Variants in SLCO1B3 observed in about 807,000 individuals in gnomAD.
The protein encoded by SLCO1B3 is liver-specific organic anion transporter 2.
SLCO1B3 carries 72 observed loss-of-function variants against 71.8 expected under a neutral mutation model. The observed-to-expected ratio is 1.00, with a 90% CI of 0.83 to 1.22. The LOEUF (loss-of-function observed/expected upper bound fraction) is 1.22, where lower values mean the gene tolerates loss of function less well. Ranked by LOEUF, SLCO1B3 falls within the 50% of genes most tolerant of loss-of-function variation. The pLI, the probability that SLCO1B3 is intolerant of heterozygous loss-of-function variation, is 0.00. For missense variants in SLCO1B3, 911 were observed against 819.7 expected (o/e 1.11, Z -1.36); for synonymous variants, 298 against 278.4 (o/e 1.07, Z -0.70).
intron 3 of SLCO1B3, among the ~76,000 whole-genome samples, chr12:20,819,681 G>A (rs748049576): frequency 6.6e-6 from 1 of 152,114 alleles, no homozygotes; most frequent in Non-Finnish European, 1.5e-5. Context: ...GAGTTTATAG[G>A]CTTTAAAAGG....
chr12:20,814,766 C>G (rs998324681), intron 2 of SLCO1B3, among the ~76,000 whole-genome samples: 1 of 151,770 alleles, frequency 6.6e-6, no homozygotes, highest in Non-Finnish European at 1.5e-5. Flanking sequence ...TGGCACGCAC[C>G]TGCGCCTGTG....
At chr12:20,880,750 C>G (rs570148444) in intron 11 of SLCO1B3, 105 bp from the exon 12 acceptor site, 7 of 623,444 alleles carry the variant, frequency 1.1e-5, no homozygotes, top group Non-Finnish European at 1.8e-5. Context: ...CTCTTCTCTT[C>G]CTCCTCCTCT....
At chr12:20,898,861 C>T (rs1218180391) in intron 14 of SLCO1B3, among the ~76,000 whole-genome samples, 1 of 152,142 alleles carries the variant, frequency 6.6e-6, no homozygotes, top group East Asian at 1.9e-4. Context: ...CAAATGGAGA[C>T]ATTACTTAGG....
At chr12:20,812,589 G>C (rs955791104) in intron 1 of SLCO1B3, among the ~76,000 whole-genome samples, 3 of 152,164 alleles carry the variant, frequency 2.0e-5, no homozygotes, top group Non-Finnish European at 2.9e-5. Flanking sequence ...TGGGAAATGG[G>C]ACTAAAAACT....
intron 13 of SLCO1B3, among the ~76,000 whole-genome samples, chr12:20,894,405 A>G (rs560192974): frequency 1.6e-3 from 243 of 152,232 alleles, no homozygotes; most frequent in Non-Finnish European, 3.1e-3. Flanking sequence ...GTTATTGTAT[A>G]TGAATATTAC....
intron 8 of SLCO1B3, among the ~76,000 whole-genome samples, chr12:20,870,433 C>CT (rs1865455157): frequency 6.6e-6 from 1 of 152,128 alleles, no homozygotes; most frequent in Admixed American, 6.6e-5. Flanking sequence ...AATTCTTTCT[C>CT]TAAGTTTTAT....
intron 3 of SLCO1B3, among the ~76,000 whole-genome samples, chr12:20,851,871 T>C (rs967069794): frequency 1.3e-5 from 2 of 151,140 alleles, no homozygotes; most frequent in African/African-American, 2.4e-5. Flanking sequence ...TTCCTTTGTA[T>C]GTGGATACCC....
At chr12:20,857,595 A>G (rs975968356) in intron 4 of SLCO1B3, among the ~76,000 whole-genome samples, 7 of 151,964 alleles carry the variant, frequency 4.6e-5, no homozygotes, top group Non-Finnish European at 4.4e-5. Flanking sequence ...TTCTGATTCT[A>G]TGGCTGCAAC....
chr12:20,853,028 G>A (rs1465971838), intron 3 of SLCO1B3, among the ~76,000 whole-genome samples: 1 of 152,006 alleles, frequency 6.6e-6, no homozygotes, highest in African/African-American at 2.4e-5. Flanking sequence ...TGATCATGTG[G>A]TTTTGTCCTT....
Position 20,812,676 on chromosome 12 carries a change from G to T in SLCO1B3, c.-180-848G>T, listed in dbSNP as rs115237659. ...TTTGTTGTAAGAGGGATCTTTGAAT[G>T]ATTCCAAGAATGGACATGATATGCA... is the stretch of plus-strand genomic sequence containing the variant. On this transcript the variant is annotated intron_variant, in intron 1 of 15. Coordinates refer to ENST00000381545, the MANE Select transcript of SLCO1B3 (RefSeq NM_019844.4). Among the ~76,000 whole-genome samples the T allele has an allele frequency of 2.7e-3, 415 of 152,302 alleles. 1 individual carries two copies. The highest frequency in any genetic ancestry group is 9.6e-3 in the African/African-American group (398 of 41,574).
intron 3 of SLCO1B3, among the ~76,000 whole-genome samples, chr12:20,832,830 T>C (rs775355366): frequency 1.1e-4 from 16 of 152,190 alleles, no homozygotes; most frequent in Non-Finnish European, 2.1e-4. Flanking sequence ...TATCCATAAC[T>C]CTTTAACCAG....
chr12:20,877,126 C>T (rs1865597165), intron 9 of SLCO1B3, among the ~76,000 whole-genome samples: 1 of 152,096 alleles, frequency 6.6e-6, no homozygotes, highest in Non-Finnish European at 1.5e-5. Flanking sequence ...CCACCATGCC[C>T]AGCCAATTAA....
chr12:20,866,710 C>G lies in SLCO1B3; in HGVS notation c.727+3856C>G, dbSNP rs77551319. Among the ~76,000 whole-genome samples, 840 of 136,716 alleles carry G rather than the reference C, an allele frequency of 6.1e-3. 13 individuals are homozygous for G. The highest frequency in any genetic ancestry group is 0.021 in the African/African-American group (821 of 39,626). The allele number at this position is 136,716 out of a possible 152,430, so 89.7% of individuals were successfully genotyped here. A position where few individuals can be genotyped will look rare whatever the true frequency, so the allele number is the denominator to read the frequency against. On this transcript the variant is annotated intron_variant, in intron 8 of 15. Transcript: ENST00000381545. ...CATCTACCTGAGCAGGTTTTTAATCCGATGAAAGTGCCCTATTCTGGAAAA... is the reference window on the plus strand; with the variant it reads ...CATCTACCTGAGCAGGTTTTTAATCGGATGAAAGTGCCCTATTCTGGAAAA...
chr12:20,911,273 C>T (rs1255323132), intron 15 of SLCO1B3, among the ~76,000 whole-genome samples: 1 of 152,050 alleles, frequency 6.6e-6, no homozygotes, highest in East Asian at 1.9e-4. Context: ...GAATGTTGGA[C>T]CAGTCTTGTA....
At chr12:20,818,562 T>A (rs1251167105) in intron 3 of SLCO1B3, among the ~76,000 whole-genome samples, 1 of 152,090 alleles carries the variant, frequency 6.6e-6, no homozygotes, top group Non-Finnish European at 1.5e-5. Context: ...CTCGAGCTTG[T>A]TGTGTAGGGA....
At position 20,862,758 on chromosome 12, in the gene SLCO1B3, A is replaced by G. The variant is rs1268664440; in HGVS notation, c.631A>G (p.Ser211Gly). Residue 211 changes from serine (S) to glycine (G), a missense_variant and splice_region_variant, in exon 8 of 16, where the codon AGT becomes GGT. Ser to Gly is a moderately conservative substitution (Grantham distance 56). Transcript: ENST00000381545. ...AAATTGTTTTGTAATACTTACAGGT[A>G]GTTTGAATGCAATAGGAATGATTGG... ...KEGHSSLYLGSLNAIGMIGPV... is the reference protein window; with the variant it reads ...KEGHSSLYLGGLNAIGMIGPV... 1 of 1,603,494 alleles carries G rather than the reference A, an allele frequency of 6.2e-7. No homozygotes were observed. The highest frequency in any genetic ancestry group is 8.5e-7 in the Non-Finnish European group (1 of 1,173,600).
Position 20,879,600 on chromosome 12 carries a change from T to A in SLCO1B3, c.1300T>A (p.Ser434Thr). 6.2e-7 allele frequency: 1 copy of A among 1,612,050 alleles called. No individual in the cohort carries two copies. Among genetic ancestry groups the A allele is most frequent in the Non-Finnish European group, 8.5e-7 (1 of 1,179,038 alleles). The change falls in exon 11 of 16, where the codon TCA becomes ACA. Residue 434 changes from serine to threonine, a missense_variant. By Grantham distance (58) the Ser-to-Thr change is moderately conservative. Transcript: ENST00000381545. ...TTTCCCTCTAATCTGCGAAAGCAAA[T>A]CAGTTGCCGGCCTAACCTTGACCTA... ...LYFPLICESK[S>T]VAGLTLTYDG...
In SLCO1B3 at chr12:20,879,116, G is replaced by A. The variant is rs981534482; in HGVS notation, c.1136-320G>A. Among the ~76,000 whole-genome samples the A allele has an allele frequency of 8.6e-5, 13 of 151,416 alleles. No homozygotes were observed. The South Asian group carries it at 1.3e-3, about 15-fold the overall frequency. On this transcript the variant is annotated intron_variant, in intron 10 of 15. Transcript: ENST00000381545. The stretch of plus-strand genomic sequence containing the variant: ...TGCCTTTTTCTTGTGAGGAAGCCAA[G>A]CCCTCATAATTGGCCAAAATAAATT...
At chr12:20,820,303 C>G (rs1452376875) in intron 3 of SLCO1B3, among the ~76,000 whole-genome samples, 2 of 152,162 alleles carry the variant, frequency 1.3e-5, no homozygotes, top group Non-Finnish European at 2.9e-5. Context: ...AGGAGTCAGT[C>G]AGAGAGCCTT....
Sources: allele counts gnomAD v4.1 joint callset (sites outside exome capture counted in the v4.1 genomes callset), GRCh38; gene constraint gnomAD v4.1.1; transcripts MANE v1.5; gene names NCBI Gene and HGNC (gene_info 2026-07-23, HGNC 2026-07-21).